EYA4: variants seen among roughly 807,000 people sequenced by gnomAD.
EYA4 encodes EYA transcriptional coactivator and phosphatase 4.
A neutral mutation model predicts 87.9 loss-of-function variants in EYA4; 31 were observed. The observed-to-expected ratio is 0.35, with a 90% CI of 0.27 to 0.48. The LOEUF (loss-of-function observed/expected upper bound fraction) is 0.48, where lower values mean the gene tolerates loss of function less well. Among genes scored for constraint, EYA4 ranks in the 20% least tolerant of loss-of-function variants. The pLI is 0.99. For missense variants in EYA4, 678 were observed against 761.4 expected (o/e 0.89, Z 1.29); for synonymous variants, 263 against 270.6 (o/e 0.97, Z 0.28).
chr6:133,272,470 C>T (rs1029332873), intron 1 of EYA4, among the ~76,000 whole-genome samples: 17 of 152,148 alleles, frequency 1.1e-4, no homozygotes, highest in African/African-American at 3.9e-4. Context: ...CCAGATGGGT[C>T]AGAAAGCTCC....
chr6:133,467,844 AAG>A (rs1205425158), intron 10 of EYA4, among the ~76,000 whole-genome samples: 1 of 151,912 alleles, frequency 6.6e-6, no homozygotes, highest in Non-Finnish European at 1.5e-5. Flanking sequence ...TACTGTGTAA[AAG>A]GATTTTGAAT....
At chr6:133,399,960 G>A (rs1274186599) in intron 3 of EYA4, among the ~76,000 whole-genome samples, 1 of 152,300 alleles carries the variant, frequency 6.6e-6, no homozygotes, top group Non-Finnish European at 1.5e-5. Context: ...GACCTGAAAA[G>A]AAGTGAACTA....
rs1451580118 is a variant in EYA4 at position 133,506,164 on chromosome 6, C to A, written c.1250C>A (p.Ala417Asp). 2 of 1,608,684 alleles carry A rather than the reference C, an allele frequency of 1.2e-6. No homozygotes were observed. The highest frequency in any genetic ancestry group is 1.7e-6 in the Non-Finnish European group (2 of 1,175,344). The change falls in exon 14 of 20, where the codon GCT becomes GAT. Residue 417 changes from alanine to aspartate, a missense_variant. By Grantham distance (126) the Ala-to-Asp change is moderately radical. Transcript: ENST00000355286. ...ATGGAAGAAATGATTTTTAATCTTGCTGATACTCATTTGTTTTTTAATGAT... is the reference window on the plus strand; with the variant it reads ...ATGGAAGAAATGATTTTTAATCTTGATGATACTCATTTGTTTTTTAATGAT... ...LRMEEMIFNL[A>D]DTHLFFNDLE...
chr6:133,256,957 T>A (rs1353245959), intron 1 of EYA4, among the ~76,000 whole-genome samples: 1 of 148,138 alleles, frequency 6.8e-6, no homozygotes, highest in Non-Finnish European at 1.5e-5. Flanking sequence ...TTTGTGGGGT[T>A]TTTTTTCCTG....
At chr6:133,313,920 A>G (rs1371994321) in intron 2 of EYA4, among the ~76,000 whole-genome samples, 1 of 152,096 alleles carries the variant, frequency 6.6e-6, no homozygotes, top group Non-Finnish European at 1.5e-5. Context: ...GAGGCTGTGC[A>G]TTGACTTTGG....
intron 14 of EYA4, among the ~76,000 whole-genome samples, chr6:133,507,742 A>T (rs1228289389): frequency 2.0e-5 from 3 of 152,176 alleles, no homozygotes; most frequent in Non-Finnish European, 4.4e-5. Context: ...TCTATGGTGT[A>T]TATGTGCCAC....
At chr6:133,288,327 G>T (rs189200327) in intron 2 of EYA4, among the ~76,000 whole-genome samples, 1 of 152,268 alleles carries the variant, frequency 6.6e-6, no homozygotes, top group Non-Finnish European at 1.5e-5. Flanking sequence ...GAAAGACATC[G>T]AGTAAAGAAT....
intron 2 of EYA4, among the ~76,000 whole-genome samples, chr6:133,363,754 C>T (rs1001406138): frequency 1.3e-5 from 2 of 152,176 alleles, no homozygotes; most frequent in Non-Finnish European, 2.9e-5. Context: ...GGATTACAGG[C>T]GTGACCCACC....
chr6:133,437,281 A>T (rs987402250), intron 3 of EYA4, among the ~76,000 whole-genome samples: 1 of 152,174 alleles, frequency 6.6e-6, no homozygotes, highest in Admixed American at 6.5e-5. Flanking sequence ...ACTATTCAAA[A>T]TGTTTTATTT....
chr6:133,434,075 C>T (rs910844766), intron 3 of EYA4, among the ~76,000 whole-genome samples: 4 of 152,114 alleles, frequency 2.6e-5, no homozygotes, highest in African/African-American at 7.2e-5. Flanking sequence ...AAAGAAGAAT[C>T]CTGGAGATCT....
intron 3 of EYA4, among the ~76,000 whole-genome samples, chr6:133,399,088 G>T (rs1788045354): frequency 6.6e-6 from 1 of 152,128 alleles, no homozygotes; most frequent in African/African-American, 2.4e-5. Context: ...CTCTGCTGGT[G>T]CCCACACTGG....
chr6:133,352,182 A>G (rs1382416930), intron 2 of EYA4, among the ~76,000 whole-genome samples: 1 of 152,198 alleles, frequency 6.6e-6, no homozygotes, highest in Non-Finnish European at 1.5e-5. Context: ...AGCTTTACAA[A>G]TAGTCTGATA....
At chr6:133,506,316 A>C (rs1798616546) in intron 14 of EYA4, 121 bp downstream of exon 14, 1 of 634,600 alleles carries the variant, frequency 1.6e-6, no homozygotes, top group Non-Finnish European at 2.8e-6. Flanking sequence ...AGAAGCATAA[A>C]GTTCTTGTCA....
Position 133,409,649 on chromosome 6 carries a change from A to G in EYA4, c.83+27208A>G, listed in dbSNP as rs548639595. Among the ~76,000 whole-genome samples the G allele has an allele frequency of 2.7e-4, 41 of 152,278 alleles. 1 individual carries two copies. In the South Asian group the frequency reaches 7.1e-3, roughly 26 times the overall value. On this transcript the variant is annotated intron_variant, in intron 3 of 19. Coordinates refer to ENST00000355286, the MANE Select transcript of EYA4 (RefSeq NM_004100.5). ...ATCTAAAAATAAAAAAGTCAAATAC[A>G]TAGAAACAGAGGGTAGAATGGTAGT...
chr6:133,262,099 C>T (rs963243154), intron 1 of EYA4, among the ~76,000 whole-genome samples: 4 of 152,152 alleles, frequency 2.6e-5, no homozygotes, highest in Admixed American at 6.5e-5. Flanking sequence ...CAATGCTAAA[C>T]TTGGGAGATC....
chr6:133,321,287 G>T (rs961707056), intron 2 of EYA4, among the ~76,000 whole-genome samples: 1 of 152,052 alleles, frequency 6.6e-6, no homozygotes, highest in Non-Finnish European at 1.5e-5. Flanking sequence ...TTGATGTCAA[G>T]AATTCTAACT....
chr6:133,281,457 A>G (rs1490730931), intron 2 of EYA4, among the ~76,000 whole-genome samples: 1 of 152,182 alleles, frequency 6.6e-6, no homozygotes. Flanking sequence ...GTGATATTTG[A>G]CTTTCTATAT....
intron 11 of EYA4, among the ~76,000 whole-genome samples, chr6:133,475,506 GA>G (rs1049433117): frequency 1.3e-5 from 2 of 152,070 alleles, no homozygotes; most frequent in African/African-American, 4.8e-5. Flanking sequence ...TTCACTCTCT[GA>G]AAAGAAGCCA....
chr6:133,243,752 T>C (rs1433267874), intron 1 of EYA4, among the ~76,000 whole-genome samples: 1 of 151,144 alleles, frequency 6.6e-6, no homozygotes, highest in Non-Finnish European at 1.5e-5. Flanking sequence ...CCAAAAAATA[T>C]TTGATACGTG....
Sources: allele counts gnomAD v4.1 joint callset (sites outside exome capture counted in the v4.1 genomes callset), GRCh38; gene constraint gnomAD v4.1.1; transcripts MANE v1.5; gene names NCBI Gene and HGNC (gene_info 2026-07-23, HGNC 2026-07-21).